The following ABHD2 variants were observed in gnomAD, a reference collection of about 807,000 sequenced individuals.
ABHD2 encodes the protein abhydrolase domain containing 2, acylglycerol lipase.
Under a neutral mutation model 48.1 loss-of-function variants are expected in ABHD2, and 20 were observed. That is an observed-to-expected ratio of 0.42 (90% confidence interval 0.29 to 0.60). The LOEUF (loss-of-function observed/expected upper bound fraction) is 0.60. ABHD2 is among the 20% of genes least tolerant of loss of function. ABHD2 has a pLI of 0.24. For synonymous variants in ABHD2, 209 were observed against 214.2 expected, an observed-to-expected ratio of 0.98 and a Z score of 0.21; for missense variants, 405 against 550.9, an observed-to-expected ratio of 0.74 and a Z score of 2.65.
chr15:89,132,519 A>G (rs2050236506), intron 3 of ABHD2, among the ~76,000 whole-genome samples: 1 of 152,250 alleles, frequency 6.6e-6, no homozygotes, highest in Admixed American at 6.5e-5. Flanking sequence ...GCTTTCAGAT[A>G]GATATAGATG....
At chr15:89,191,037 T>C (rs746608780) in intron 8 of ABHD2, 43 bp from the exon 9 acceptor site, 4 of 1,590,366 alleles carry the variant, frequency 2.5e-6, no homozygotes, top group East Asian at 4.5e-5. Flanking sequence ...TAAAGACCAA[T>C]GTTTTGTCCT....
chr15:89,056,772 G>T, the ABHD2 span, among the ~76,000 whole-genome samples: 1 of 152,104 alleles, frequency 6.6e-6, no homozygotes, highest in East Asian at 1.9e-4. Flanking sequence ...TCACCTCACT[G>T]GGCCTCAGTT....
At chr15:89,084,468 T>G (rs948051650), upstream of ABHD2, among the ~76,000 whole-genome samples, 2 of 151,986 alleles carry the variant, frequency 1.3e-5, no homozygotes, top group Admixed American at 6.6e-5. This position sits in a 1 kb window ranked among gnomAD's most constrained non-coding sequence, Gnocchi z 4.4. Flanking sequence ...CCCAGCTAAT[T>G]TTTGTATTTT....
At chr15:89,119,103 G>A (rs1430932022) in intron 3 of ABHD2, among the ~76,000 whole-genome samples, 2 of 152,280 alleles carry the variant, frequency 1.3e-5, no homozygotes, top group East Asian at 3.9e-4. Flanking sequence ...GAGTGGTGGA[G>A]GTCAGCCTAA....
chr15:89,170,078 T>C (rs1337813357), intron 5 of ABHD2, among the ~76,000 whole-genome samples: 1 of 107,306 alleles, frequency 9.3e-6, no homozygotes, highest in East Asian at 2.3e-4. Flanking sequence ...TCAGATCAGA[T>C]TCTTTTTTTT....
At chr15:89,062,499 A>AC in the ABHD2 span, among the ~76,000 whole-genome samples, 1 of 151,484 alleles carries the variant, frequency 6.6e-6, no homozygotes, top group African/African-American at 2.4e-5. Flanking sequence ...GGGAGTATTA[A>AC]CTCCACTTCA....
chr15:89,117,303 G>C (rs1278191925), intron 3 of ABHD2, among the ~76,000 whole-genome samples: 2 of 152,234 alleles, frequency 1.3e-5, no homozygotes, highest in Non-Finnish European at 2.9e-5. Context: ...TGGGATTACA[G>C]GCATGAGCCA....
At chr15:89,049,164 T>G in the ABHD2 span, among the ~76,000 whole-genome samples, 2 of 152,178 alleles carry the variant, frequency 1.3e-5, no homozygotes, top group African/African-American at 4.8e-5. Context: ...GGTGTCAGTC[T>G]GCCCCTGCTG....
chr15:89,060,905 A>T, the ABHD2 span, among the ~76,000 whole-genome samples: 1 of 150,434 alleles, frequency 6.6e-6, no homozygotes, highest in Non-Finnish European at 1.5e-5. Flanking sequence ...TACAGCCATT[A>T]AAAAAAAATA....
intron 2 of ABHD2, among the ~76,000 whole-genome samples, chr15:89,115,176 C>G (rs571574415): frequency 6.6e-6 from 1 of 152,142 alleles, no homozygotes; most frequent in Non-Finnish European, 1.5e-5. Flanking sequence ...GAAACCATTC[C>G]AGGGGAAGCT....
the ABHD2 span, among the ~76,000 whole-genome samples, chr15:89,064,380 C>T: frequency 9.7e-4 from 148 of 152,060 alleles, no homozygotes; most frequent in African/African-American, 3.3e-3. Context: ...CTACCACGCC[C>T]GGCTAATTTT....
intron 3 of ABHD2, among the ~76,000 whole-genome samples, chr15:89,131,173 C>G (rs536780619): frequency 6.6e-6 from 1 of 152,318 alleles, no homozygotes; most frequent in African/African-American, 2.4e-5. Context: ...CCAAGTGGCT[C>G]CTCACTGTCT....
chr15:89,068,785 T>G, the ABHD2 span, among the ~76,000 whole-genome samples: 1 of 92,452 alleles, frequency 1.1e-5, no homozygotes, highest in African/African-American at 4.1e-5. Flanking sequence ...TTTTTTTTTG[T>G]CAAGAGGGAG....
the ABHD2 span, among the ~76,000 whole-genome samples, chr15:89,056,879 A>G: frequency 6.7e-6 from 1 of 149,486 alleles, no homozygotes; most frequent in African/African-American, 2.5e-5. Context: ...AATTTTTTTC[A>G]CACTGTTAAT....
At chr15:89,096,926 G>A (rs145404369) in intron 1 of ABHD2, among the ~76,000 whole-genome samples, 6 of 152,204 alleles carry the variant, frequency 3.9e-5, no homozygotes, top group South Asian at 2.1e-4. Context: ...TGATATTTGC[G>A]TGACCTAAAC....
intron 5 of ABHD2, among the ~76,000 whole-genome samples, chr15:89,165,585 C>G (rs1050951578): frequency 6.6e-6 from 1 of 151,022 alleles, no homozygotes; most frequent in African/African-American, 2.4e-5. Context: ...GTCCTTGTCT[C>G]TAAAAAAAAA....
chr15:89,125,039 A>G (rs191509860), intron 3 of ABHD2, among the ~76,000 whole-genome samples: 1 of 152,132 alleles, frequency 6.6e-6, no homozygotes, highest in African/African-American at 2.4e-5. Flanking sequence ...CAGTGAGCTG[A>G]GATCGTGCCA....
chr15:89,087,630 T>G (rs1199084598), upstream of ABHD2: 2 of 152,328 alleles, frequency 1.3e-5, no homozygotes, highest in Non-Finnish European at 2.9e-5. This position sits in a 1 kb window ranked among gnomAD's most constrained non-coding sequence, Gnocchi z 5.5. Flanking sequence ...ATTGTTACCC[T>G]CAGTTGCCAA....
At chr15:89,049,895 C>T in the ABHD2 span, among the ~76,000 whole-genome samples, 1 of 152,180 alleles carries the variant, frequency 6.6e-6, no homozygotes, top group Non-Finnish European at 1.5e-5. Context: ...TGTTCCTATT[C>T]GGCCATCTTG....
Sources: gnomAD v4.1 joint callset for allele counts (sites outside exome capture counted in the v4.1 genomes callset) on GRCh38, gnomAD v4.1.1 for gene constraint, Gnocchi (gnomAD v3.1) non-coding constraint, MANE v1.5 for transcripts, NCBI Gene and HGNC (gene_info 2026-07-23, HGNC 2026-07-21) for gene names.